Variants in ACTA2 observed in about 807,000 individuals in gnomAD.
The protein encoded by ACTA2 is actin alpha 2, smooth muscle.
ACTA2 carries 12 observed loss-of-function variants against 39.5 expected under a neutral mutation model. That is an observed-to-expected ratio of 0.30 (90% confidence interval 0.19 to 0.49). The LOEUF (loss-of-function observed/expected upper bound fraction) is 0.49. Ranked by LOEUF, ACTA2 falls within the 20% of genes least tolerant of loss-of-function variation. The probability of loss-of-function intolerance (pLI) is 0.99; values close to 1 mark genes in which losing one functional copy is unlikely to be tolerated. For synonymous variants in ACTA2, 158 were observed against 180.6 expected (o/e 0.88, Z 1.00); for missense variants, 236 against 498.8 (o/e 0.47, Z 5.02).
At chr10:88,935,502 C>T (rs2133238701) in intron 8 of ACTA2, 136 bp from the exon 9 acceptor site, 7 of 937,966 alleles carry the variant, frequency 7.5e-6, no homozygotes, top group South Asian at 6.8e-5. Flanking sequence ...CTGTTAGATG[C>T]CAATTGTGTC....
chr10:88,961,548 G>A (rs1430087815), intron 1 of ACTA2, among the ~76,000 whole-genome samples: 1 of 152,130 alleles, frequency 6.6e-6, no homozygotes, highest in Non-Finnish European at 1.5e-5. Context: ...TAAACTGGCT[G>A]ATTTATACAC....
chr10:88,946,685 C>A (rs1845954159), intron 3 of ACTA2: 1 of 152,170 alleles, frequency 6.6e-6, no homozygotes, highest in South Asian at 2.1e-4. Context: ...AGCAACCATG[C>A]CTGGCAAGGG....
upstream of ACTA2, among the ~76,000 whole-genome samples, chr10:88,953,773 G>A (rs1447679597): frequency 1.3e-5 from 2 of 152,072 alleles, no homozygotes; most frequent in South Asian, 2.1e-4. Flanking sequence ...GAGTTCTCAC[G>A]ATATCTGATG....
intron 1 of ACTA2, among the ~76,000 whole-genome samples, chr10:88,971,381 T>C (rs1424741706): frequency 6.6e-6 from 1 of 152,196 alleles, no homozygotes; most frequent in African/African-American, 2.4e-5. Flanking sequence ...TTGTAAAGGG[T>C]GCCAATGGCA....
At chr10:88,950,113 C>T (rs1043384224) in intron 1 of ACTA2, among the ~76,000 whole-genome samples, 1 of 152,146 alleles carries the variant, frequency 6.6e-6, no homozygotes, top group Non-Finnish European at 1.5e-5. Flanking sequence ...AGTGATTGCT[C>T]AAGGGCACAC....
intron 2 of ACTA2, 174 bp downstream of exon 2, chr10:88,948,628 T>C (rs1845996089): frequency 1.2e-6 from 1 of 805,360 alleles, no homozygotes. Context: ...TCAGATAATC[T>C]GTCTACATTA....
intron 5 of ACTA2, 110 bp downstream of exon 5, chr10:88,941,675 G>A (rs898571837): frequency 1.5e-5 from 15 of 1,019,486 alleles, no homozygotes; most frequent in East Asian, 7.8e-5. Flanking sequence ...GGGTTCAGCC[G>A]TGTCCATTCT....
chr10:88,960,810 C>T (rs1286416579), intron 1 of ACTA2, among the ~76,000 whole-genome samples: 1 of 152,136 alleles, frequency 6.6e-6, no homozygotes, highest in African/African-American at 2.4e-5. Flanking sequence ...CTAGTGGATT[C>T]CTTGAACTAG....
chr10:88,959,263 C>T (rs1321306680), intron 1 of ACTA2, among the ~76,000 whole-genome samples: 1 of 152,148 alleles, frequency 6.6e-6, no homozygotes, highest in East Asian at 1.9e-4. Context: ...TTGGCTGCAA[C>T]TGAAATTGCC....
At chr10:88,955,973 G>A (rs919878256), upstream of ACTA2, among the ~76,000 whole-genome samples, 1 of 152,160 alleles carries the variant, frequency 6.6e-6, no homozygotes, top group African/African-American at 2.4e-5. Context: ...GATATGAGGC[G>A]TTAATAGGTT....
At chr10:88,946,304 C>G (rs1490512092) in intron 3 of ACTA2, among the ~76,000 whole-genome samples, 1 of 96,736 alleles carries the variant, frequency 1.0e-5, no homozygotes, top group African/African-American at 3.9e-5. Flanking sequence ...TCAGTAGAAA[C>G]AGGGTTTTGC....
At chr10:88,961,591 C>A (rs1471618606) in intron 1 of ACTA2, among the ~76,000 whole-genome samples, 1 of 152,136 alleles carries the variant, frequency 6.6e-6, no homozygotes, top group Admixed American at 6.6e-5. Context: ...GCAAGAATAG[C>A]CACAGAGTAA....
chr10:88,962,947 AT>A (rs1564653485), intron 1 of ACTA2, among the ~76,000 whole-genome samples: 5 of 14,176 alleles, frequency 3.5e-4, no homozygotes, highest in African/African-American at 2.1e-3. Context: ...ATATATATAT[AT>A]ATATATATAT....
intron 1 of ACTA2, among the ~76,000 whole-genome samples, chr10:88,971,818 C>G (rs896125539): frequency 6.6e-6 from 1 of 152,058 alleles, no homozygotes; most frequent in Non-Finnish European, 1.5e-5. Flanking sequence ...GGGTGATGCT[C>G]TGATGGTGAG....
At chr10:88,940,988 A>G in intron 6 of ACTA2, 1 of 481,728 alleles carries the variant, frequency 2.1e-6, no homozygotes, top group Admixed American at 3.0e-5. Context: ...AAAAAGATCA[A>G]TTATACAACA....
intron 1 of ACTA2, among the ~76,000 whole-genome samples, chr10:88,988,483 T>C (rs765664667): frequency 2.4e-4 from 36 of 151,502 alleles, no homozygotes; most frequent in Non-Finnish European, 4.3e-4. Flanking sequence ...TCAAGATTCT[T>C]GTTTAAGTGT....
exon 1 of ACTA2, chr10:88,991,066 C>CG: frequency 2.2e-6 from 2 of 909,564 alleles, no homozygotes; most frequent in Non-Finnish European, 1.7e-6. Flanking sequence ...GACTGGCTCC[C>CG]GGGGGCTGTT....
intron 5 of ACTA2, 102 bp from the exon 6 acceptor site, chr10:88,941,492 T>C (rs1845851425): frequency 2.7e-6 from 4 of 1,474,784 alleles, no homozygotes; most frequent in Non-Finnish European, 2.8e-6. Context: ...TTTCCGAGCC[T>C]CTTATTTAAA....
At chr10:88,946,201 G>A (rs1217628682) in intron 3 of ACTA2, among the ~76,000 whole-genome samples, 1 of 151,238 alleles carries the variant, frequency 6.6e-6, no homozygotes. Flanking sequence ...TCCTGGGCTC[G>A]AATGATGCTA....
Sources: gnomAD v4.1 joint callset for allele counts (sites outside exome capture counted in the v4.1 genomes callset) on GRCh38, gnomAD v4.1.1 for gene constraint, MANE v1.5 for transcripts, NCBI Gene and HGNC (gene_info 2026-07-23, HGNC 2026-07-21) for gene names.